The following SNX1 variants were observed in gnomAD, a reference collection of about 807,000 sequenced individuals.
SNX1 encodes the protein sorting nexin 1.
SNX1 carries 36 observed loss-of-function variants against 71.8 expected under a neutral mutation model. The ratio of observed to expected loss-of-function variants is 0.50; its 90% confidence interval spans 0.38 to 0.66. The LOEUF is 0.66. SNX1 is among the 30% of genes least tolerant of loss of function. The probability of loss-of-function intolerance (pLI) is 0.00; values close to 1 mark genes in which losing one functional copy is unlikely to be tolerated. For synonymous variants in SNX1, 254 were observed against 240.7 expected, an observed-to-expected ratio of 1.06 and a Z score of -0.51; for missense variants, 612 against 646.7, an observed-to-expected ratio of 0.95 and a Z score of 0.58.
At chr15:64,131,666 G>C in intron 10 of SNX1, 21 bp from the exon 11 acceptor site, 1 of 1,611,316 alleles carries the variant, frequency 6.2e-7, no homozygotes, top group Non-Finnish European at 8.5e-7. Context: ...AGAGGCCTCT[G>C]CTGTCTTTTC....
At chr15:64,128,784 A>C (rs1483184039) in intron 8 of SNX1, among the ~76,000 whole-genome samples, 1 of 152,208 alleles carries the variant, frequency 6.6e-6, no homozygotes, top group Non-Finnish European at 1.5e-5. Flanking sequence ...ACTTTGGGTC[A>C]GATAGTTCTT....
At chr15:64,108,573 T>G (rs2081046418) in intron 1 of SNX1, among the ~76,000 whole-genome samples, 1 of 152,214 alleles carries the variant, frequency 6.6e-6, no homozygotes, top group Non-Finnish European at 1.5e-5. Context: ...AAAAATCTGA[T>G]TTTAAATAAA....
At chr15:64,113,181 A>G (rs1053066092) in intron 2 of SNX1, among the ~76,000 whole-genome samples, 1 of 152,222 alleles carries the variant, frequency 6.6e-6, no homozygotes, top group African/African-American at 2.4e-5. Context: ...TTTGCAACAC[A>G]TTGAATTGAT....
intron 8 of SNX1, among the ~76,000 whole-genome samples, chr15:64,128,034 T>C (rs1446578448): frequency 1.3e-5 from 2 of 152,236 alleles, no homozygotes; most frequent in Non-Finnish European, 2.9e-5. Flanking sequence ...AGCCTAGTAT[T>C]GTCTTACTGG....
chr15:64,110,590 C>G (rs868250928), intron 1 of SNX1, among the ~76,000 whole-genome samples: 7 of 152,206 alleles, frequency 4.6e-5, no homozygotes, highest in Middle Eastern at 3.4e-3. Context: ...TTTTTAGAGA[C>G]AGGGCCTCAC....
intron 3 of SNX1, 42 bp downstream of exon 3, chr15:64,118,286 A>G (rs767151958): frequency 1.9e-6 from 3 of 1,585,878 alleles, no homozygotes; most frequent in Non-Finnish European, 2.6e-6. Context: ...TTAGATATTG[A>G]GGACTGTGTA....
At position 64,137,930 on chromosome 15, in the gene SNX1, G is replaced by A; in HGVS notation, c.*312G>A. 7.1e-7 allele frequency: 1 copy of A among 1,415,372 alleles called. No individual in the cohort carries two copies. Among genetic ancestry groups the A allele is most frequent in the Non-Finnish European group, 9.2e-7 (1 of 1,091,886 alleles). 87.7% of individuals were successfully genotyped at this position (1,415,372 alleles called of 1,614,324 possible). On this transcript the variant is annotated 3_prime_UTR_variant, in exon 15 of 15. Coordinates refer to ENST00000559844, the MANE Select transcript of SNX1 (RefSeq NM_003099.5). ...TGTATATTTTTCAGGATGTGGTTTAGGAACTGGGAATAACGTTTTCTGTTA... is the reference window on the plus strand; with the variant it reads ...TGTATATTTTTCAGGATGTGGTTTAAGAACTGGGAATAACGTTTTCTGTTA...
chr15:64,100,870 A>G (rs1436406256), intron 1 of SNX1, among the ~76,000 whole-genome samples: 1 of 152,226 alleles, frequency 6.6e-6, no homozygotes, highest in African/African-American at 2.4e-5. Context: ...CAGTGGCACC[A>G]TCATGGCTCA....
rs2140158310 is a variant in SNX1, at chr15:64,131,704, G to A, written c.1033G>A (p.Ala345Thr). ...NHRKELALNT[A>T]QFAKSLAMLG... The stretch of plus-strand genomic sequence containing the variant: ...CCTTCCAGAGCTAGCGCTGAACACA[G>A]CCCAGTTTGCAAAGAGTCTAGCCAT... Residue 345 changes from alanine (A) to threonine (T), a missense_variant, in exon 11 of 15, where the codon GCC becomes ACC. By Grantham distance (58) the Ala-to-Thr change is moderately conservative. Around this residue, in one of 2 missense-constraint regions of SNX1, gnomAD observed 296 missense variants for 361.9 expected, o/e 0.82. Transcript: ENST00000559844. 1 of 1,614,096 alleles carries A rather than the reference G, an allele frequency of 6.2e-7. No individual in the cohort carries two copies. The highest frequency in any genetic ancestry group is 2.2e-5 in the East Asian group (1 of 44,878).
intron 10 of SNX1, 28 bp downstream of exon 10, chr15:64,130,349 C>T (rs757086703): frequency 6.4e-7 from 1 of 1,571,210 alleles, no homozygotes; most frequent in African/African-American, 1.4e-5. Context: ...GCACTTGGAG[C>T]TAGGGGAAAT....
At chr15:64,136,124 A>G (rs2081356894) in intron 12 of SNX1, among the ~76,000 whole-genome samples, 1 of 152,208 alleles carries the variant, frequency 6.6e-6, no homozygotes. Context: ...AAACACAGGC[A>G]TCTCTTTTCC....
At chr15:64,125,921 A>G (rs2081247179) in intron 5 of SNX1, among the ~76,000 whole-genome samples, 158 bp from the exon 6 acceptor site, 1 of 152,224 alleles carries the variant, frequency 6.6e-6, no homozygotes, top group South Asian at 2.1e-4. Context: ...CTATAGTTTT[A>G]AAAAGTTTAA....
intron 12 of SNX1, among the ~76,000 whole-genome samples, chr15:64,135,158 A>G (rs557095475): frequency 1.4e-4 from 22 of 151,928 alleles, no homozygotes; most frequent in African/African-American, 4.8e-4. Context: ...TCGCTCTGTC[A>G]ACAGGCTGGA....
intron 1 of SNX1, among the ~76,000 whole-genome samples, chr15:64,096,549 C>G (rs1271538541): frequency 6.6e-6 from 1 of 152,182 alleles, no homozygotes; most frequent in Non-Finnish European, 1.5e-5. Context: ...ACCTTTCCCC[C>G]GTCTTACTGC....
chr15:64,122,280 T>G (rs1020392321), intron 4 of SNX1, among the ~76,000 whole-genome samples: 2 of 151,286 alleles, frequency 1.3e-5, no homozygotes, highest in African/African-American at 4.9e-5. Context: ...TTTTTTTTTT[T>G]CTTTTATCAG....
chr15:64,096,327 C>A (rs1323954382), intron 1 of SNX1, among the ~76,000 whole-genome samples, 155 bp downstream of exon 1: 4 of 152,156 alleles, frequency 2.6e-5, no homozygotes, highest in African/African-American at 9.7e-5. Flanking sequence ...GTGCTCGAAG[C>A]GGTAGAGCTT....
At chr15:64,106,562 A>G (rs944564094) in intron 1 of SNX1, among the ~76,000 whole-genome samples, 14 of 152,212 alleles carry the variant, frequency 9.2e-5, no homozygotes, top group African/African-American at 3.4e-4. Flanking sequence ...GTTATGTGGC[A>G]AGGGGGAGTT....
At chr15:64,098,474 A>C (rs753671221) in intron 1 of SNX1, among the ~76,000 whole-genome samples, 1 of 152,226 alleles carries the variant, frequency 6.6e-6, no homozygotes, top group Non-Finnish European at 1.5e-5. Context: ...CAAGAGGATC[A>C]CTTGAGGCCA....
At chr15:64,116,767 A>C (rs1259888026) in intron 2 of SNX1, among the ~76,000 whole-genome samples, 1 of 152,224 alleles carries the variant, frequency 6.6e-6, no homozygotes, top group African/African-American at 2.4e-5. Flanking sequence ...CACTGCTCCA[A>C]GTTGAAAGTG....
Sources: allele counts gnomAD v4.1 joint callset (sites outside exome capture counted in the v4.1 genomes callset), GRCh38; gene constraint gnomAD v4.1.1; regional missense constraint gnomAD v4.1.1; transcripts MANE v1.5; gene names NCBI Gene and HGNC (gene_info 2026-07-23, HGNC 2026-07-21).